The following SLC22A25 variants were observed in gnomAD, a reference collection of about 807,000 sequenced individuals.
SLC22A25 encodes solute carrier family 22 member 25.
Under a neutral mutation model 45.9 loss-of-function variants are expected in SLC22A25, and 44 were observed. The ratio of observed to expected loss-of-function variants is 0.96; its 90% CI spans 0.75 to 1.23. SLC22A25 has a LOEUF of 1.23. SLC22A25 is among the 50% of genes most tolerant of loss of function. The pLI, the probability that SLC22A25 is intolerant of heterozygous loss-of-function variation, is 0.00. For missense variants in SLC22A25, 800 were observed against 666.4 expected (o/e 1.20, Z -2.21); for synonymous variants, 283 against 238.6 (o/e 1.19, Z -1.72).
intron 7 of SLC22A25, among the ~76,000 whole-genome samples, chr11:63,212,167 A>C (rs952562891): frequency 7.6e-4 from 115 of 151,990 alleles, no homozygotes; most frequent in African/African-American, 2.5e-3. Context: ...GTCAGGAAAC[A>C]ACAGGTGCTG....
In SLC22A25 at chr11:63,229,939, C is replaced by G. The variant is rs947213827; in HGVS notation, c.-287G>C. On this transcript the variant is annotated 5_prime_UTR_variant, in exon 4 of 12. Transcript: ENST00000306494. ...TGAAATGTGTTTAAACATTAGACAT[C>G]TACTTATTGATGTCTTTAGTAGCTC... 1.3e-5 allele frequency among the ~76,000 whole-genome samples: 2 copies of G among 152,182 alleles called. No homozygotes were observed. Among genetic ancestry groups the G allele is most frequent in the African/African-American group, 4.8e-5 (2 of 41,454 alleles).
At chr11:63,206,758 T>A (rs553308459) in intron 7 of SLC22A25, among the ~76,000 whole-genome samples, 2 of 152,166 alleles carry the variant, frequency 1.3e-5, no homozygotes, top group African/African-American at 2.4e-5. Flanking sequence ...AAATGACTTT[T>A]TCACAGAATT....
chr11:63,159,915 T>C lies in SLC22A25; in HGVS notation c.*3909A>G, dbSNP rs553811030. On this transcript the variant is annotated 3_prime_UTR_variant, in exon 12 of 12. Coordinates refer to ENST00000306494, the MANE Select transcript of SLC22A25 (RefSeq NM_199352.6). ...TTTTAGTAAAGAGACTGGCAGCGTT[T>C]ACTCCTGTCCTAGAGATTTGTGGAA... Among the ~76,000 whole-genome samples the C allele has an allele frequency of 5.9e-5, 9 of 152,368 alleles. No individual in the cohort carries two copies. The highest frequency in any genetic ancestry group is 2.2e-4 in the African/African-American group (9 of 41,598).
intron 9 of SLC22A25, among the ~76,000 whole-genome samples, chr11:63,173,729 TTTCTC>T (rs1448689509): frequency 6.6e-6 from 1 of 152,092 alleles, no homozygotes; most frequent in African/African-American, 2.4e-5. Flanking sequence ...GCCATGTACA[TTTCTC>T]TCTCTGTGCA....
chr11:63,228,402 A>G, intron 5 of SLC22A25, 59 bp downstream of exon 5: 1 of 1,330,284 alleles, frequency 7.5e-7, no homozygotes, highest in Non-Finnish European at 1.1e-6. Context: ...CTAGATGAAA[A>G]GTGTTTCATG....
chr11:63,189,580 T>C (rs2088713078), intron 7 of SLC22A25, among the ~76,000 whole-genome samples: 1 of 152,178 alleles, frequency 6.6e-6, no homozygotes, highest in South Asian at 2.1e-4. Flanking sequence ...AATTTGATCT[T>C]GTTATTATGA....
At chr11:63,216,068 C>T (rs1369169089) in intron 7 of SLC22A25, among the ~76,000 whole-genome samples, 1 of 152,008 alleles carries the variant, frequency 6.6e-6, no homozygotes, top group Non-Finnish European at 1.5e-5. Flanking sequence ...CTGTAATGAA[C>T]ATTTGCAACA....
At chr11:63,236,268 C>T (rs899171676) in intron 3 of SLC22A25, among the ~76,000 whole-genome samples, 4 of 152,224 alleles carry the variant, frequency 2.6e-5, no homozygotes, top group Non-Finnish European at 5.9e-5. Flanking sequence ...AGGCAGGCCT[C>T]CTTGAGATGT....
intron 7 of SLC22A25, among the ~76,000 whole-genome samples, chr11:63,195,680 T>C (rs181305018): frequency 0.034 from 5,107 of 151,950 alleles, 116 homozygotes; most frequent in Non-Finnish European, 0.056. Context: ...CACCCTAACA[T>C]CGCAATTAAA....
chr11:63,187,341 CTGTT>C (rs1226630728), intron 7 of SLC22A25, among the ~76,000 whole-genome samples: 1 of 149,430 alleles, frequency 6.7e-6, no homozygotes, highest in Non-Finnish European at 1.5e-5. Flanking sequence ...ATTTGGCTCT[CTGTT>C]TGTCTGTTAT....
intron 7 of SLC22A25, among the ~76,000 whole-genome samples, chr11:63,195,111 T>A (rs2088970372): frequency 6.6e-6 from 1 of 151,932 alleles, no homozygotes; most frequent in Non-Finnish European, 1.5e-5. Flanking sequence ...AAGCTAGTCC[T>A]TAGAGACCTA....
intron 7 of SLC22A25, among the ~76,000 whole-genome samples, chr11:63,193,227 T>A (rs1405050706): frequency 6.6e-6 from 1 of 151,592 alleles, no homozygotes; most frequent in Admixed American, 6.6e-5. Context: ...CCTCCCAGCA[T>A]GAGTGATGAA....
chr11:63,216,519 T>C (rs2089714768), intron 7 of SLC22A25, among the ~76,000 whole-genome samples: 1 of 152,088 alleles, frequency 6.6e-6, no homozygotes, highest in Non-Finnish European at 1.5e-5. Context: ...GGTACATATA[T>C]ACACCATGGA....
At chr11:63,234,862 G>A (rs1436107794) in intron 3 of SLC22A25, among the ~76,000 whole-genome samples, 1 of 152,152 alleles carries the variant, frequency 6.6e-6, no homozygotes, top group Non-Finnish European at 1.5e-5. Flanking sequence ...GCATTTGCTT[G>A]TGTGTAAATT....
At chr11:63,168,037 G>T in intron 9 of SLC22A25, 1 of 284,180 alleles carries the variant, frequency 3.5e-6, no homozygotes, top group Non-Finnish European at 7.1e-6. Flanking sequence ...ATCTGGAGTG[G>T]ACCTCCAGCA....
chr11:63,196,897 C>T (rs11231406), intron 7 of SLC22A25, among the ~76,000 whole-genome samples: 55,990 of 151,950 alleles, frequency 0.37, 10,583 homozygotes, highest in East Asian at 0.56. Flanking sequence ...TGATAAGCAA[C>T]TCAGCAAAGT....
intron 9 of SLC22A25, 104 bp from the exon 10 acceptor site, chr11:63,166,362 A>G: frequency 6.7e-7 from 1 of 1,481,694 alleles, no homozygotes; most frequent in Non-Finnish European, 9.0e-7. Flanking sequence ...TTAAAGTAAA[A>G]AGGCAGAGTG....
At chr11:63,234,436 T>C (rs575624227) in intron 3 of SLC22A25, among the ~76,000 whole-genome samples, 1 of 152,278 alleles carries the variant, frequency 6.6e-6, no homozygotes, top group South Asian at 2.1e-4. Flanking sequence ...TAAAGTCTGT[T>C]TTATCAGAGA....
At chr11:63,164,412 T>C in intron 11 of SLC22A25, 114 bp downstream of exon 11, 2 of 941,704 alleles carry the variant, frequency 2.1e-6, no homozygotes, top group Non-Finnish European at 3.2e-6. Flanking sequence ...TTTATGACTA[T>C]TACATTTGAT....
Sources: gnomAD v4.1 joint callset for allele counts (sites outside exome capture counted in the v4.1 genomes callset) on GRCh38, gnomAD v4.1.1 for gene constraint, MANE v1.5 for transcripts, NCBI Gene and HGNC (gene_info 2026-07-23, HGNC 2026-07-21) for gene names.